EPHA6: variants seen among roughly 807,000 people sequenced by gnomAD.
The protein encoded by EPHA6 is EPH receptor A6, also known as ephrin type-A receptor 6.
EPHA6 carries 50 observed loss-of-function variants against 112.0 expected under a neutral mutation model. The ratio of observed to expected loss-of-function variants is 0.45; its 90% CI spans 0.36 to 0.56. EPHA6 has a LOEUF of 0.56. Among genes scored for constraint, EPHA6 ranks in the 20% least tolerant of loss-of-function variants. The probability of loss-of-function intolerance (pLI) is 0.00; values close to 1 mark genes in which losing one functional copy is unlikely to be tolerated. For synonymous variants in EPHA6, 529 were observed against 490.7 expected, an observed-to-expected ratio of 1.08 and a Z score of -1.03; for missense variants, 1,280 against 1,417.4, an observed-to-expected ratio of 0.90 and a Z score of 1.56.
intron 3 of EPHA6, among the ~76,000 whole-genome samples, chr3:97,000,287 A>ACACGCATATATATAGC (rs2043599955): frequency 6.8e-6 from 1 of 147,102 alleles, no homozygotes; most frequent in Admixed American, 6.9e-5. Flanking sequence ...ACACACACAC[A>ACACGCATATATATAGC]CACACATATA....
intron 3 of EPHA6, among the ~76,000 whole-genome samples, chr3:97,153,370 C>T (rs1002717118): frequency 2.0e-5 from 3 of 152,068 alleles, no homozygotes; most frequent in Admixed American, 6.6e-5. Flanking sequence ...TTCCATTTTA[C>T]CCACTATAAT....
chr3:97,409,843 T>C (rs1319668220), intron 6 of EPHA6, among the ~76,000 whole-genome samples: 2 of 152,076 alleles, frequency 1.3e-5, no homozygotes, highest in Non-Finnish European at 2.9e-5. Flanking sequence ...AGAAAACTCA[T>C]CATGAAAAAG....
chr3:97,699,407 T>C (rs774382607), intron 14 of EPHA6, among the ~76,000 whole-genome samples: 59 of 152,326 alleles, frequency 3.9e-4, no homozygotes, highest in Non-Finnish European at 6.5e-4. Context: ...TTGGGTGCAT[T>C]CTCTCCTTTA....
chr3:97,164,957 C>G (rs534312216), intron 3 of EPHA6, among the ~76,000 whole-genome samples: 1 of 152,022 alleles, frequency 6.6e-6, no homozygotes, highest in Non-Finnish European at 1.5e-5. Flanking sequence ...GAACAGAATT[C>G]TTATCAATAA....
At chr3:97,212,359 G>T (rs2077900478) in intron 3 of EPHA6, among the ~76,000 whole-genome samples, 1 of 152,022 alleles carries the variant, frequency 6.6e-6, no homozygotes, top group African/African-American at 2.4e-5. Flanking sequence ...GATAAATGTT[G>T]GAACATTTAA....
intron 7 of EPHA6, among the ~76,000 whole-genome samples, chr3:97,471,430 G>A (rs2091225253): frequency 6.6e-6 from 1 of 151,668 alleles, no homozygotes; most frequent in Non-Finnish European, 1.5e-5. Flanking sequence ...TGTATACCCT[G>A]TGTCTATGTT....
At chr3:97,686,600 G>T (rs2032269335) in intron 14 of EPHA6, among the ~76,000 whole-genome samples, 2 of 152,156 alleles carry the variant, frequency 1.3e-5, no homozygotes, top group Admixed American at 1.3e-4. Flanking sequence ...TTCTCAGCCT[G>T]TGAATTTATT....
chr3:96,863,480 A>C (rs2036125679), intron 1 of EPHA6, among the ~76,000 whole-genome samples: 1 of 152,006 alleles, frequency 6.6e-6, no homozygotes, highest in Non-Finnish European at 1.5e-5. Context: ...AATATAATTC[A>C]CCTGTCTGAA....
chr3:97,210,345 G>A (rs1456960851), intron 3 of EPHA6, among the ~76,000 whole-genome samples: 8 of 152,140 alleles, frequency 5.3e-5, no homozygotes, highest in Admixed American at 4.6e-4. Flanking sequence ...AAGTGAAGAC[G>A]GAAGAGCCCC....
intron 6 of EPHA6, among the ~76,000 whole-genome samples, chr3:97,408,752 AC>A (rs1310200024): frequency 6.6e-6 from 1 of 151,864 alleles, no homozygotes; most frequent in African/African-American, 2.4e-5. Flanking sequence ...TGAGGGCTCC[AC>A]CCCTGATCAC....
chr3:97,252,936 T>C (rs1247479783), intron 5 of EPHA6, among the ~76,000 whole-genome samples: 2 of 152,198 alleles, frequency 1.3e-5, no homozygotes, highest in African/African-American at 2.4e-5. Context: ...CTCTCTGTGT[T>C]ACTCAGCAAA....
chr3:97,520,860 G>A (rs1334001669), intron 10 of EPHA6, among the ~76,000 whole-genome samples: 3 of 152,092 alleles, frequency 2.0e-5, no homozygotes, highest in Admixed American at 6.5e-5. Flanking sequence ...TCACTATATG[G>A]TGTCCCATAT....
At chr3:97,093,168 A>G (rs1258493921) in intron 3 of EPHA6, among the ~76,000 whole-genome samples, 2 of 152,182 alleles carry the variant, frequency 1.3e-5, no homozygotes, top group African/African-American at 4.8e-5. Flanking sequence ...CTGTAAGTCT[A>G]TAACTTTTGG....
chr3:97,160,898 TA>T (rs553310371), intron 3 of EPHA6, among the ~76,000 whole-genome samples: 41 of 152,276 alleles, frequency 2.7e-4, no homozygotes, highest in African/African-American at 8.2e-4. Flanking sequence ...CAGGACCATC[TA>T]TAAATCAGGT....
intron 13 of EPHA6, among the ~76,000 whole-genome samples, chr3:97,611,116 A>G (rs1450822196): frequency 3.3e-5 from 5 of 151,590 alleles, no homozygotes; most frequent in African/African-American, 1.2e-4. Context: ...GTGTGTGTGT[A>G]TACCAAATAA....
intron 5 of EPHA6, among the ~76,000 whole-genome samples, chr3:97,372,620 G>A (rs989304126): frequency 6.6e-6 from 1 of 152,066 alleles, no homozygotes; most frequent in African/African-American, 2.4e-5. Flanking sequence ...TAAAATGAAT[G>A]AACCAGATGT....
intron 2 of EPHA6, among the ~76,000 whole-genome samples, chr3:96,939,089 A>T (rs1219055992): frequency 6.6e-6 from 1 of 152,156 alleles, no homozygotes; most frequent in Non-Finnish European, 1.5e-5. Context: ...TGTCTCTGCC[A>T]GGCTTTGGTA....
intron 5 of EPHA6, among the ~76,000 whole-genome samples, chr3:97,382,074 C>A (rs2085775444): frequency 6.6e-6 from 1 of 152,012 alleles, no homozygotes; most frequent in South Asian, 2.1e-4. Flanking sequence ...ATAATGTTAA[C>A]TATTTAGAAA....
intron 1 of EPHA6, among the ~76,000 whole-genome samples, chr3:96,853,158 T>C (rs1297887786): frequency 6.6e-6 from 1 of 152,150 alleles, no homozygotes; most frequent in Non-Finnish European, 1.5e-5. Flanking sequence ...TCAAAATGTA[T>C]AATTACAGCT....
Sources: gnomAD v4.1 joint callset for allele counts (sites outside exome capture counted in the v4.1 genomes callset) on GRCh38, gnomAD v4.1.1 for gene constraint, MANE v1.5 for transcripts, NCBI Gene and HGNC (gene_info 2026-07-23, HGNC 2026-07-21) for gene names.